The following TCP11L2 variants were observed in gnomAD, a reference collection of about 807,000 sequenced individuals.
TCP11L2 encodes T-complex protein 11-like protein 2.
Under a neutral mutation model 50.7 loss-of-function variants are expected in TCP11L2, and 39 were observed. That is an observed-to-expected ratio of 0.77 (90% CI 0.60 to 1.01). TCP11L2 has a LOEUF of 1.01. Among genes scored for constraint, TCP11L2 ranks in the 50% least tolerant of loss-of-function variants. The pLI is 0.00. For missense variants in TCP11L2, 612 were observed against 614.7 expected (o/e 1.00, Z 0.05); for synonymous variants, 192 against 219.3 (o/e 0.88, Z 1.10).
rs2035000793 is a variant in TCP11L2, at chr12:106,314,570, T to TGAGAGAGA, written c.293+78_293+79insAGAGAGAG. On this transcript the variant is annotated intron_variant, in intron 3 of 9. Coordinates refer to ENST00000299045, the MANE Select transcript of TCP11L2 (RefSeq NM_152772.3). ...GTGTGTGTGTGTGTGTGTGTGTGTG[T>TGAGAGAGA]GTGTGTGAGAGAGAGAGAGAGAGAG... is the stretch of plus-strand genomic sequence containing the variant. The TGAGAGAGA allele has an allele frequency of 1.1e-5, 11 of 976,034 alleles. No individual in the cohort carries two copies. The South Asian group carries it at 1.6e-4, about 14-fold the overall frequency. 60.5% of individuals were successfully genotyped at this position (976,034 alleles called of 1,614,324 possible).
chr12:106,344,894 T>G (rs982013347), intron 9 of TCP11L2, among the ~76,000 whole-genome samples: 2 of 152,212 alleles, frequency 1.3e-5, no homozygotes, highest in African/African-American at 4.8e-5. Context: ...GAGGCAGTGA[T>G]GCAGGAAGGG....
rs551033642 is a variant in TCP11L2 at position 106,305,384 on chromosome 12, T to C, written c.-36+2443T>C. On this transcript the variant is annotated intron_variant, in intron 1 of 9. Coordinates refer to ENST00000299045, the MANE Select transcript of TCP11L2 (RefSeq NM_152772.3). ...GTGAGTTTCTTTAACCTCCTGGAAC[T>C]GTGGGTCTTTGCTAGTTTGAATTTT... 2.3e-3 allele frequency among the ~76,000 whole-genome samples: 348 copies of C among 152,344 alleles called. 1 individual carries two copies. The highest frequency in any genetic ancestry group is 7.7e-3 in the African/African-American group (321 of 41,572).
chr12:106,312,371 T>C (rs966425031), intron 2 of TCP11L2: 19 of 1,239,100 alleles, frequency 1.5e-5, no homozygotes, highest in East Asian at 5.7e-5. Flanking sequence ...CCAAAGTATA[T>C]AGACATTTTT....
In TCP11L2 at chr12:106,318,363, C is replaced by T; in HGVS notation, c.313C>T (p.His105Tyr). ...CCATAGTTTGGCTGGTCGAGTGAAGCACATTGTTCACCAGGCCTTCTGGGA... is the reference window on the plus strand; with the variant it reads ...CCATAGTTTGGCTGGTCGAGTGAAGTACATTGTTCACCAGGCCTTCTGGGA... The part of the protein sequence containing the change: ...PEKSLAGRVK[H>Y]IVHQAFWDVL... Residue 105 changes from histidine to tyrosine, a missense_variant, in exon 4 of 10, where the codon CAC becomes TAC. Coordinates refer to ENST00000299045, the MANE Select transcript of TCP11L2 (RefSeq NM_152772.3). 6.2e-7 allele frequency: 1 copy of T among 1,613,764 alleles called. No individual in the cohort carries two copies. The highest frequency in any genetic ancestry group is 1.3e-5 in the African/African-American group (1 of 75,040).
rs531540143 is a variant in TCP11L2, at chr12:106,314,503, G to A, written c.293+10G>A. Reference sequence around the variant, plus strand: ...CTCTCCCAGAAAAGAGGTAACCTGGGGGCATTTGTTGTATATAAACTGCTG... The same window carrying A: ...CTCTCCCAGAAAAGAGGTAACCTGGAGGCATTTGTTGTATATAAACTGCTG... On this transcript the variant is annotated intron_variant, in intron 3 of 9. Transcript: ENST00000299045. 723 of 1,609,218 alleles carry A rather than the reference G, an allele frequency of 4.5e-4. 8 individuals carry two copies. In the East Asian group the frequency reaches 0.014, roughly 32 times the overall value.
upstream of TCP11L2, among the ~76,000 whole-genome samples, chr12:106,299,080 T>C (rs1592913081): frequency 2.0e-5 from 3 of 152,324 alleles, no homozygotes; most frequent in East Asian, 5.8e-4. Context: ...CCTCCCAAAG[T>C]GCTGAGATTA....
At chr12:106,343,519 T>C (rs942332604) in intron 9 of TCP11L2, among the ~76,000 whole-genome samples, 2 of 152,194 alleles carry the variant, frequency 1.3e-5, no homozygotes, top group African/African-American at 4.8e-5. Flanking sequence ...ATTTATTTAC[T>C]GAAGGGATCA....
At chr12:106,325,608 C>T (rs1343282139) in intron 6 of TCP11L2, 2 of 152,178 alleles carry the variant, frequency 1.3e-5, no homozygotes, top group Non-Finnish European at 2.9e-5. Flanking sequence ...TAAAGCCAGA[C>T]TGGGCAGGGC....
intron 6 of TCP11L2, among the ~76,000 whole-genome samples, chr12:106,328,970 G>T (rs1234433061): frequency 1.3e-5 from 2 of 152,122 alleles, no homozygotes; most frequent in Non-Finnish European, 2.9e-5. Flanking sequence ...TGGTCGGGAA[G>T]ATGGGGCCTC....
intron 2 of TCP11L2, among the ~76,000 whole-genome samples, chr12:106,311,628 A>G (rs558121673): frequency 1.3e-5 from 2 of 152,340 alleles, no homozygotes; most frequent in African/African-American, 4.8e-5. Flanking sequence ...TTGAAAGGTC[A>G]GGAAGGAAGT....
intron 5 of TCP11L2, among the ~76,000 whole-genome samples, chr12:106,322,467 G>A (rs2035374681): frequency 6.6e-6 from 1 of 152,224 alleles, no homozygotes; most frequent in Non-Finnish European, 1.5e-5. Flanking sequence ...TTGCACTGCA[G>A]GGAGGGAGAT....
chr12:106,329,543 T>A, intron 6 of TCP11L2: 2 of 1,438,234 alleles, frequency 1.4e-6, no homozygotes, highest in Non-Finnish European at 1.8e-6. Context: ...CACAGAGGCC[T>A]GAGCCCTGCC....
chr12:106,341,825 C>CA (rs1465468646), intron 9 of TCP11L2, among the ~76,000 whole-genome samples: 2 of 152,142 alleles, frequency 1.3e-5, no homozygotes, highest in Non-Finnish European at 2.9e-5. Flanking sequence ...AAACAGTGAC[C>CA]CCATCATTGA....
At chr12:106,304,854 C>T (rs922711590) in intron 1 of TCP11L2, among the ~76,000 whole-genome samples, 1 of 152,202 alleles carries the variant, frequency 6.6e-6, no homozygotes, top group Non-Finnish European at 1.5e-5. Context: ...GAATGGCTCC[C>T]TCCTAGAGGA....
upstream of TCP11L2, among the ~76,000 whole-genome samples, chr12:106,300,952 C>T (rs900602452): frequency 3.9e-5 from 6 of 152,208 alleles, no homozygotes; most frequent in African/African-American, 1.4e-4. Context: ...CAAAACAATA[C>T]TTAAATCCTT....
At chr12:106,317,046 A>T (rs1168689467) in intron 3 of TCP11L2, among the ~76,000 whole-genome samples, 2 of 152,128 alleles carry the variant, frequency 1.3e-5, no homozygotes, top group African/African-American at 4.8e-5. Context: ...CAAGAATAAG[A>T]AGGGGGCTAC....
chr12:106,302,486 G>C (rs947702949), upstream of TCP11L2, among the ~76,000 whole-genome samples: 1 of 149,616 alleles, frequency 6.7e-6, no homozygotes, highest in Admixed American at 6.7e-5. Context: ...CCGTCGGCTC[G>C]GCGGCCTCAG....
At chr12:106,329,448 C>G in intron 6 of TCP11L2, 10 of 1,533,744 alleles carry the variant, frequency 6.5e-6, no homozygotes, top group Non-Finnish European at 8.7e-6. Flanking sequence ...GAAGAGCCAA[C>G]GTTTCACTCT....
intron 2 of TCP11L2, among the ~76,000 whole-genome samples, chr12:106,313,954 G>GA (rs1037938679): frequency 1.3e-5 from 2 of 152,102 alleles, no homozygotes; most frequent in African/African-American, 4.8e-5. Flanking sequence ...TTTTAGTAGA[G>GA]ACGGGGTTTC....
Sources: allele counts gnomAD v4.1 joint callset (sites outside exome capture counted in the v4.1 genomes callset), GRCh38; gene constraint gnomAD v4.1.1; transcripts MANE v1.5; gene names NCBI Gene and HGNC (gene_info 2026-07-23, HGNC 2026-07-21).